KCNH7: variants seen among roughly 807,000 people sequenced by gnomAD.
KCNH7 encodes the protein potassium voltage-gated channel subfamily H member 7.
In KCNH7, 49 loss-of-function variants were observed where a neutral mutation model predicts 120.8. The observed-to-expected ratio is 0.41, with a 90% CI of 0.32 to 0.51. The LOEUF (loss-of-function observed/expected upper bound fraction) is 0.51. Ranked by LOEUF, KCNH7 falls within the 20% of genes least tolerant of loss-of-function variation. The probability of loss-of-function intolerance (pLI) is 0.38; values close to 1 mark genes in which losing one functional copy is unlikely to be tolerated. For synonymous variants in KCNH7, 547 were observed against 516.1 expected, an observed-to-expected ratio of 1.06 and a Z score of -0.81; for missense variants, 1,097 against 1,446.6, an observed-to-expected ratio of 0.76 and a Z score of 3.92.
intron 2 of KCNH7, among the ~76,000 whole-genome samples, chr2:162,614,965 GTATT>G (rs1683095255): frequency 6.6e-6 from 1 of 152,054 alleles, no homozygotes; most frequent in Admixed American, 6.6e-5. Context: ...AATTCATAAA[GTATT>G]TCATAAATTG....
chr2:162,600,177 C>T (rs1336299581), intron 2 of KCNH7, among the ~76,000 whole-genome samples: 2 of 152,052 alleles, frequency 1.3e-5, no homozygotes, highest in Admixed American at 6.6e-5. Context: ...CTCTGCAGAA[C>T]ACCACCTGTT....
chr2:162,652,078 T>C (rs566793354), intron 2 of KCNH7, among the ~76,000 whole-genome samples: 12 of 152,310 alleles, frequency 7.9e-5, no homozygotes, highest in Non-Finnish European at 1.3e-4. Flanking sequence ...AACAGGATAT[T>C]AAAGAAAAAT....
intron 2 of KCNH7, among the ~76,000 whole-genome samples, chr2:162,542,601 C>G (rs962854631): frequency 6.6e-6 from 1 of 151,772 alleles, no homozygotes; most frequent in African/African-American, 2.4e-5. Context: ...TATGGCTGCA[C>G]AATATTCCAT....
rs966759619 is a variant in KCNH7 at position 162,838,743 on chromosome 2, G to A, written c.-225C>T. 13 of 319,888 alleles carry A rather than the reference G, an allele frequency of 4.1e-5. No homozygotes were observed. The highest frequency in any genetic ancestry group is 9.0e-4 in the Middle Eastern group (1 of 1,112). 19.8% of individuals were successfully genotyped at this position (319,888 alleles called of 1,614,324 possible). On this transcript the variant is annotated 5_prime_UTR_variant, in exon 1 of 16. Transcript: ENST00000332142. ...TCCGGAGGGGGCCTCGCACCGGACT[G>A]CCGCGGGTGAGAGGGTTTGGGGGTG...
chr2:162,687,792 A>T (rs1299198948), intron 2 of KCNH7, among the ~76,000 whole-genome samples: 1 of 152,174 alleles, frequency 6.6e-6, no homozygotes, highest in Non-Finnish European at 1.5e-5. Context: ...TGCAAACATC[A>T]CTAGACTGAT....
Position 162,566,334 on chromosome 2 carries a change from G to A in KCNH7, c.308-29254C>T, listed in dbSNP as rs184908916. 3.0e-4 allele frequency among the ~76,000 whole-genome samples: 46 copies of A among 152,026 alleles called. No individual in the cohort carries two copies. The East Asian group carries it at 6.4e-3, about 21-fold the overall frequency. On this transcript the variant is annotated intron_variant, in intron 2 of 15. Transcript: ENST00000332142. Reference sequence around the variant, plus strand: ...CGCTTTTCAATCCAATATTATTTGGGGATAGCATAATATTTTGGGACTCGC... The same window carrying A: ...CGCTTTTCAATCCAATATTATTTGGAGATAGCATAATATTTTGGGACTCGC...
intron 2 of KCNH7, among the ~76,000 whole-genome samples, chr2:162,566,231 A>C (rs1693248510): frequency 6.6e-6 from 1 of 152,000 alleles, no homozygotes; most frequent in South Asian, 2.1e-4. Context: ...TCATTCATGG[A>C]GTTTACCAGC....
intron 3 of KCNH7, among the ~76,000 whole-genome samples, chr2:162,519,173 A>G (rs1283577908): frequency 6.6e-6 from 1 of 151,738 alleles, no homozygotes; most frequent in Non-Finnish European, 1.5e-5. Flanking sequence ...TTTGGACAAT[A>G]TCTATTAAAG....
chr2:162,666,604 T>C (rs1685141356), intron 2 of KCNH7, among the ~76,000 whole-genome samples: 1 of 152,182 alleles, frequency 6.6e-6, no homozygotes, highest in Admixed American at 6.5e-5. Flanking sequence ...GACCTGTAGC[T>C]ACAATAAGTG....
chr2:162,710,031 A>G (rs899761737), intron 2 of KCNH7, among the ~76,000 whole-genome samples: 4 of 152,196 alleles, frequency 2.6e-5, no homozygotes, highest in African/African-American at 9.6e-5. Flanking sequence ...CAGATAAGAA[A>G]AAAGAAAAGA....
At chr2:162,412,950 T>C (rs1339810244) in intron 9 of KCNH7, among the ~76,000 whole-genome samples, 4 of 152,158 alleles carry the variant, frequency 2.6e-5, no homozygotes, top group Non-Finnish European at 5.9e-5. Context: ...ATCTGATCTT[T>C]GGTTTATTTC....
intron 2 of KCNH7, among the ~76,000 whole-genome samples, chr2:162,705,463 C>A (rs13032209): frequency 0.022 from 3,339 of 152,126 alleles, 70 homozygotes; most frequent in East Asian, 0.12. Flanking sequence ...TTTGTCTTTT[C>A]AAGGCACTGA....
At chr2:162,539,217 C>T (rs1053293861) in intron 2 of KCNH7, among the ~76,000 whole-genome samples, 1 of 152,046 alleles carries the variant, frequency 6.6e-6, no homozygotes, top group Non-Finnish European at 1.5e-5. Flanking sequence ...TCACAGCACA[C>T]ACTGGTTAAA....
At chr2:162,680,208 G>A (rs1046327050) in intron 2 of KCNH7, among the ~76,000 whole-genome samples, 2 of 151,580 alleles carry the variant, frequency 1.3e-5, no homozygotes, top group African/African-American at 4.8e-5. Flanking sequence ...CATGTAGTGG[G>A]CCACCCTCCC....
At chr2:162,445,855 T>C (rs1688559221) in intron 7 of KCNH7, among the ~76,000 whole-genome samples, 163 bp downstream of exon 7, 1 of 152,224 alleles carries the variant, frequency 6.6e-6, no homozygotes, top group South Asian at 2.1e-4. Flanking sequence ...TGATTTGCAA[T>C]GGCAAAATGG....
At chr2:162,617,525 G>A (rs1219639429) in intron 2 of KCNH7, among the ~76,000 whole-genome samples, 1 of 151,924 alleles carries the variant, frequency 6.6e-6, no homozygotes, top group Non-Finnish European at 1.5e-5. Context: ...GCAAAGCAAC[G>A]TGTCTCCAAG....
intron 9 of KCNH7, among the ~76,000 whole-genome samples, chr2:162,408,357 A>G (rs970323677): frequency 3.3e-5 from 5 of 152,018 alleles, no homozygotes; most frequent in Non-Finnish European, 7.4e-5. Context: ...TAGTTATCCA[A>G]CATTTTGTAA....
intron 15 of KCNH7, among the ~76,000 whole-genome samples, chr2:162,373,064 A>G (rs1341294316): frequency 6.6e-6 from 1 of 152,090 alleles, no homozygotes; most frequent in Non-Finnish European, 1.5e-5. Context: ...AGCCTTTGGC[A>G]CTGTAGAAAA....
intron 6 of KCNH7, among the ~76,000 whole-genome samples, chr2:162,477,220 C>A (rs1401210015): frequency 1.3e-5 from 2 of 152,176 alleles, no homozygotes; most frequent in African/African-American, 2.4e-5. Context: ...GCAGATTTTC[C>A]TGCCATGGTA....
Sources: gnomAD v4.1 joint callset for allele counts (sites outside exome capture counted in the v4.1 genomes callset) on GRCh38, gnomAD v4.1.1 for gene constraint, MANE v1.5 for transcripts, NCBI Gene and HGNC (gene_info 2026-07-23, HGNC 2026-07-21) for gene names.